DHODH: variants seen among roughly 807,000 people sequenced by gnomAD.
The protein encoded by DHODH is dihydroorotate dehydrogenase (quinone), mitochondrial.
In DHODH, 30 loss-of-function variants were observed where a neutral mutation model predicts 39.7. The ratio of observed to expected loss-of-function variants is 0.76; its 90% confidence interval spans 0.57 to 1.02. The LOEUF (loss-of-function observed/expected upper bound fraction) is 1.02. Among genes scored for constraint, DHODH ranks in the 50% least tolerant of loss-of-function variants. The probability of loss-of-function intolerance (pLI) is 0.00; values close to 1 mark genes in which losing one functional copy is unlikely to be tolerated. For synonymous variants in DHODH, 222 were observed against 213.8 expected (o/e 1.04, Z -0.34); for missense variants, 531 against 520.8 (o/e 1.02, Z -0.19).
chr16:72,011,440 A>G (rs1454294646), intron 1 of DHODH, among the ~76,000 whole-genome samples: 1 of 152,196 alleles, frequency 6.6e-6, no homozygotes, highest in Non-Finnish European at 1.5e-5. Flanking sequence ...AGGGTTCAAG[A>G]CCAGCCTGGG....
chr16:72,017,092 C>A lies in DHODH; in HGVS notation c.503C>A (p.Ala168Asp). The A allele has an allele frequency of 6.2e-7, 1 of 1,613,928 alleles. No individual in the cohort carries two copies. The highest frequency in any genetic ancestry group is 1.1e-5 in the South Asian group (1 of 91,070). Residue 168 changes from alanine (A) to aspartate (D), a missense_variant, in exon 4 of 9, where the codon GCC becomes GAC. Transcript: ENST00000219240. Reference sequence around the variant, plus strand: ...TTACGGGCCAGACAGCAGAAGCAGGCCAAGCTCACAGAAGGTAAAGTGGGG... The same window carrying A: ...TTACGGGCCAGACAGCAGAAGCAGGACAAGCTCACAGAAGGTAAAGTGGGG... ...HRLRARQQKQ[A>D]KLTEDGLPLG...
chr16:72,010,993 C>T (rs971914447), intron 1 of DHODH, among the ~76,000 whole-genome samples: 1 of 151,880 alleles, frequency 6.6e-6, no homozygotes, highest in South Asian at 2.1e-4. Flanking sequence ...CCCAAAGTGC[C>T]GGGATTACAA....
At chr16:72,020,313 G>GTGTATA (rs2041190149) in intron 4 of DHODH, 1 of 131,178 alleles carries the variant, frequency 7.6e-6, no homozygotes, top group African/African-American at 3.2e-5. Context: ...ATATATATAT[G>GTGTATA]TGTATATGTA....
intron 3 of DHODH, among the ~76,000 whole-genome samples, chr16:72,014,959 G>A (rs1227257662): frequency 6.6e-6 from 1 of 152,144 alleles, no homozygotes; most frequent in East Asian, 1.9e-4. Flanking sequence ...GGCATGGCCT[G>A]GGCTTATTGG....
chr16:72,014,603 C>T lies in DHODH; in HGVS notation c.365C>T (p.Pro122Leu), dbSNP rs1418212637. 1 of 1,614,152 alleles carries T rather than the reference C, an allele frequency of 6.2e-7. No homozygotes were observed. The highest frequency in any genetic ancestry group is 8.5e-7 in the Non-Finnish European group (1 of 1,180,026). ...TTTGTTGAGATAGGAAGTGTGACTC[C>T]AAAACCTCAGGAAGGAAACCCTAGA... Reference protein sequence around the residue: ...FGFVEIGSVTPKPQEGNPRPR... With the variant: ...FGFVEIGSVTLKPQEGNPRPR... The change falls in exon 3 of 9, where the codon CCA becomes CTA. Residue 122 changes from proline to leucine, a missense_variant. Pro to Leu is a moderately conservative substitution (Grantham distance 98). Coordinates refer to ENST00000219240, the MANE Select transcript of DHODH (RefSeq NM_001361.5).
chr16:72,012,808 T>C (rs1316778154), intron 2 of DHODH, among the ~76,000 whole-genome samples: 3 of 152,166 alleles, frequency 2.0e-5, no homozygotes, highest in Admixed American at 6.5e-5. Context: ...CTTGAAATCT[T>C]TGGCCTAGAG....
In DHODH at chr16:72,021,293, G is replaced by A; in HGVS notation, c.687G>A (p.Leu229=). 6.2e-7 allele frequency: 1 copy of A among 1,608,510 alleles called. No individual in the cohort carries two copies. The highest frequency in any genetic ancestry group is 2.2e-5 in the East Asian group (1 of 44,734). ...GGAGCCTTCAGGGAAAGGCCGAGCTGCGCCGCCTGCTGACCAAGGTGGGCA... is the reference window on the plus strand; with the variant it reads ...GGAGCCTTCAGGGAAAGGCCGAGCTACGCCGCCTGCTGACCAAGGTGGGCA... ...GLRSLQGKAE[L]RRLLTKVLQE... is the part of the protein sequence containing the mutation. Residue 229 remains leucine, a synonymous_variant, in exon 5 of 9, where the codon CTG becomes CTA. Coordinates refer to ENST00000219240, the MANE Select transcript of DHODH (RefSeq NM_001361.5).
chr16:72,017,120 G>C lies in DHODH; in HGVS notation c.517+14G>C. 2 of 1,612,670 alleles carry C rather than the reference G, an allele frequency of 1.2e-6. No individual in the cohort carries two copies. The highest frequency in any genetic ancestry group is 1.7e-6 in the Non-Finnish European group (2 of 1,178,728). Reference sequence around the variant, plus strand: ...AGCTCACAGAAGGTAAAGTGGGGTTGTGTCAGTGGGCCTTTCTTATTTATT... The same window carrying C: ...AGCTCACAGAAGGTAAAGTGGGGTTCTGTCAGTGGGCCTTTCTTATTTATT... On this transcript the variant is annotated intron_variant, in intron 4 of 8. Transcript: ENST00000219240.
intron 4 of DHODH, among the ~76,000 whole-genome samples, chr16:72,019,201 C>G (rs10048145): frequency 7.2e-4 from 109 of 152,290 alleles, no homozygotes; most frequent in Admixed American, 2.3e-3. Context: ...ATTGATCCAC[C>G]CACCTCAGCC....
chr16:72,008,836 G>C (rs376699089), intron 1 of DHODH, 51 bp downstream of exon 1: 38 of 1,552,180 alleles, frequency 2.4e-5, no homozygotes, highest in Non-Finnish European at 3.3e-5. Context: ...ACCGGGGAGG[G>C]CGAGAACGGA....
intron 1 of DHODH, among the ~76,000 whole-genome samples, chr16:72,010,893 A>AT (rs1442112258): frequency 7.2e-5 from 11 of 151,902 alleles, no homozygotes; most frequent in African/African-American, 2.7e-4. Context: ...TGCCTGGCTA[A>AT]TTTTTTATAT....
In DHODH at chr16:72,025,413, A is replaced by G. The variant is rs1045137446; in HGVS notation, c.*1214A>G. 1.3e-5 allele frequency: 2 copies of G among 152,190 alleles called. No homozygotes were observed. Among genetic ancestry groups the G allele is most frequent in the Non-Finnish European group, 2.9e-5 (2 of 68,040 alleles). The allele number at this position is 152,190 out of a possible 1,614,324, so 9.4% of individuals were successfully genotyped here. On this transcript the variant is annotated 3_prime_UTR_variant, in exon 9 of 9. Coordinates refer to ENST00000219240, the MANE Select transcript of DHODH (RefSeq NM_001361.5). ...ATCATCCCACAAATAGAATTCTGCC[A>G]TTTACTTTCTTCACTATTCTTATGT...
intron 2 of DHODH, 151 bp from the exon 3 acceptor site, chr16:72,014,321 AC>A (rs2041115868): frequency 5.6e-6 from 4 of 711,880 alleles, no homozygotes; most frequent in Non-Finnish European, 7.3e-6. Flanking sequence ...GCTCCATTCC[AC>A]CCCCAAAGAT....
At chr16:72,018,892 G>C (rs1326805081) in intron 4 of DHODH, among the ~76,000 whole-genome samples, 1 of 152,264 alleles carries the variant, frequency 6.6e-6, no homozygotes, top group East Asian at 1.9e-4. Flanking sequence ...CAAGCTTACA[G>C]ATGATCTTGG....
At chr16:72,022,685 CTCTTT>C (rs777382107) in intron 6 of DHODH, among the ~76,000 whole-genome samples, 109 of 152,358 alleles carry the variant, frequency 7.2e-4, no homozygotes, top group Admixed American at 2.3e-3. Context: ...GCCTCTTCCT[CTCTTT>C]TGTCAACTGC....
Position 72,025,345 on chromosome 16 carries a change from C to T in DHODH, c.*1146C>T. 1 of 152,230 alleles carries T rather than the reference C, an allele frequency of 6.6e-6. No homozygotes were observed. The allele number at this position is 152,230 out of a possible 1,614,324, so 9.4% of individuals were successfully genotyped here. Reference sequence around the variant, plus strand: ...TATACCGATTTCTGGATGGAATGCACACTGTTATCTGTTTAGTTACTTTAT... The same window carrying T: ...TATACCGATTTCTGGATGGAATGCATACTGTTATCTGTTTAGTTACTTTAT... On this transcript the variant is annotated 3_prime_UTR_variant, in exon 9 of 9. Coordinates refer to ENST00000219240, the MANE Select transcript of DHODH (RefSeq NM_001361.5).
At position 72,015,492 on chromosome 16, in the gene DHODH, C is replaced by G. The variant is rs2041132607; in HGVS notation, c.434+820C>G. ...AACCCAAAAGGTGAAGAAGTGCTTA[C>G]TTTTTGGTAAGAGGATTTTGAAGAG... On this transcript the variant is annotated intron_variant, in intron 3 of 8. Coordinates refer to ENST00000219240, the MANE Select transcript of DHODH (RefSeq NM_001361.5). 9 of 162,694 alleles carry G rather than the reference C, an allele frequency of 5.5e-5. 1 individual carries two copies. The South Asian group carries it at 1.8e-3, about 33-fold the overall frequency. The allele number at this position is 162,694 out of a possible 1,614,324, so 10.1% of individuals were successfully genotyped here.
intron 6 of DHODH, among the ~76,000 whole-genome samples, chr16:72,022,782 C>T (rs2041234951): frequency 6.6e-6 from 1 of 152,178 alleles, no homozygotes; most frequent in African/African-American, 2.4e-5. Flanking sequence ...CTCCTCTCTC[C>T]AGCCTGTCTG....
chr16:72,011,289 C>G (rs1597392966), intron 1 of DHODH, among the ~76,000 whole-genome samples: 1 of 152,174 alleles, frequency 6.6e-6, no homozygotes. Flanking sequence ...TGGGAATGTT[C>G]TATGTGAAAC....
Sources: allele counts gnomAD v4.1 joint callset (sites outside exome capture counted in the v4.1 genomes callset), GRCh38; gene constraint gnomAD v4.1.1; transcripts MANE v1.5; gene names NCBI Gene and HGNC (gene_info 2026-07-23, HGNC 2026-07-21).